The following MED31 variants were observed in gnomAD, a reference collection of about 807,000 sequenced individuals.
MED31 encodes the protein mediator of RNA polymerase II transcription subunit 31.
In MED31, 11 loss-of-function variants were observed where a neutral mutation model predicts 22.0. That is an observed-to-expected ratio of 0.50 (90% CI 0.31 to 0.83). MED31 has a LOEUF of 0.83. MED31 is among the 40% of genes least tolerant of loss of function. The pLI is 0.04. For synonymous variants in MED31, 60 were observed against 55.1 expected, an observed-to-expected ratio of 1.09 and a Z score of -0.40; for missense variants, 122 against 155.3, an observed-to-expected ratio of 0.79 and a Z score of 1.14.
In MED31 at chr17:6,651,579, A is replaced by G. The variant is rs1972837420; in HGVS notation, c.-51T>C. On this transcript the variant is annotated 5_prime_UTR_variant, in exon 1 of 4. Coordinates refer to ENST00000225728, the MANE Select transcript of MED31 (RefSeq NM_016060.3). ...CCAGCCTGACAGAGCAAAAGCCCAG[A>G]GACGCGGGCGAAGTTCCGGAAACCA... 4 of 1,612,032 alleles carry G rather than the reference A, an allele frequency of 2.5e-6. No homozygotes were observed. The highest frequency in any genetic ancestry group is 1.1e-5 in the South Asian group (1 of 90,864).
chr17:6,644,384 A>G lies in MED31; in HGVS notation c.*83T>C. On this transcript the variant is annotated 3_prime_UTR_variant, in exon 4 of 4. Transcript: ENST00000225728. ...GCTACCATAATAAAGGTAGATAGGAAGAGTTTTCATTTTTTTTGTCTTCAC... is the reference window on the plus strand; with the variant it reads ...GCTACCATAATAAAGGTAGATAGGAGGAGTTTTCATTTTTTTTGTCTTCAC... 2 of 1,439,898 alleles carry G rather than the reference A, an allele frequency of 1.4e-6. No individual in the cohort carries two copies. The highest frequency in any genetic ancestry group is 1.6e-5 in the South Asian group (1 of 62,858). The allele number at this position is 1,439,898 out of a possible 1,614,324, so 89.2% of individuals were successfully genotyped here.
intron 3 of MED31, among the ~76,000 whole-genome samples, chr17:6,648,028 G>A (rs1972785895): frequency 6.6e-6 from 1 of 152,186 alleles, no homozygotes; most frequent in South Asian, 2.1e-4. Context: ...AACAACATAG[G>A]GAGAACCCAA....
At position 6,648,763 on chromosome 17, in the gene MED31, C is replaced by T. The variant is rs547464186; in HGVS notation, c.203+1219G>A. Among the ~76,000 whole-genome samples, 34 of 152,244 alleles carry T rather than the reference C, an allele frequency of 2.2e-4. 1 individual carries two copies. In the South Asian group the frequency reaches 6.6e-3, roughly 30 times the overall value. ...GGCTACAAGGAGGTACATTATATCA[C>T]AATATAAGGAAGAACTTTCTAATAT... On this transcript the variant is annotated intron_variant, in intron 3 of 3. Coordinates refer to ENST00000225728, the MANE Select transcript of MED31 (RefSeq NM_016060.3).
chr17:6,648,951 T>A (rs983081985), intron 3 of MED31, among the ~76,000 whole-genome samples: 2 of 152,332 alleles, frequency 1.3e-5, no homozygotes, highest in African/African-American at 4.8e-5. Flanking sequence ...ACATACAATA[T>A]TCGTTGAAGT....
chr17:6,644,769 A>G, intron 3 of MED31, 110 bp from the exon 4 acceptor site: 1 of 1,262,988 alleles, frequency 7.9e-7, no homozygotes, highest in African/African-American at 1.5e-5. Flanking sequence ...TTTCTATAAC[A>G]GTAACTTAGT....
intron 3 of MED31, among the ~76,000 whole-genome samples, chr17:6,645,523 C>T (rs531722201): frequency 5.3e-4 from 81 of 152,200 alleles, no homozygotes; most frequent in Non-Finnish European, 8.7e-4. Context: ...TGGAACATTA[C>T]GTAGTGCCAG....
Position 6,651,554 on chromosome 17 carries a change from C to G in MED31, c.-26G>C. On this transcript the variant is annotated 5_prime_UTR_variant, in exon 1 of 4. Coordinates refer to ENST00000225728, the MANE Select transcript of MED31 (RefSeq NM_016060.3). ...AACAAACGAAGACACCAAAACGCCA[C>G]CAGCCTGACAGAGCAAAAGCCCAGA... 2 of 1,614,018 alleles carry G rather than the reference C, an allele frequency of 1.2e-6. No individual in the cohort carries two copies. The highest frequency in any genetic ancestry group is 1.1e-5 in the South Asian group (1 of 91,054).
chr17:6,644,663 G>T lies in MED31; in HGVS notation c.204-4C>A. 1 of 1,553,420 alleles carries T rather than the reference G, an allele frequency of 6.4e-7. No individual in the cohort carries two copies. Among genetic ancestry groups the T allele is most frequent in the South Asian group, 1.2e-5 (1 of 82,214 alleles). The stretch of plus-strand genomic sequence containing the variant: ...CATGTGTAAACACTGAGGGTACCTG[G>T]GTTTAAGTTTGTAAGTGAATGAACA... On this transcript the variant is annotated splice_region_variant and splice_polypyrimidine_tract_variant and intron_variant, in intron 3 of 3. Transcript: ENST00000225728.
In MED31 at chr17:6,648,286, G is replaced by A. The variant is rs373867540; in HGVS notation, c.203+1696C>T. Among the ~76,000 whole-genome samples the A allele has an allele frequency of 2.6e-5, 4 of 152,350 alleles. No individual in the cohort carries two copies. The South Asian group carries it at 6.2e-4, about 24-fold the overall frequency. ...TACAACTGCCAAATATCCAAAGGAG[G>A]GAACCTCAACTCATGAGAACTCTGG... On this transcript the variant is annotated intron_variant, in intron 3 of 3. Transcript: ENST00000225728.
intron 1 of MED31, among the ~76,000 whole-genome samples, chr17:6,650,756 C>T (rs920758044): frequency 6.6e-6 from 1 of 152,074 alleles, no homozygotes; most frequent in African/African-American, 2.4e-5. Context: ...CTGTGGCTTC[C>T]CCTATTTTAA....
rs1260145864 is a variant in MED31 at position 6,645,317 on chromosome 17, A to C, written c.204-658T>G. 5.9e-5 allele frequency among the ~76,000 whole-genome samples: 9 copies of C among 152,216 alleles called. No homozygotes were observed. The East Asian group carries it at 1.7e-3, about 29-fold the overall frequency. On this transcript the variant is annotated intron_variant, in intron 3 of 3. Coordinates refer to ENST00000225728, the MANE Select transcript of MED31 (RefSeq NM_016060.3). ...CTTTTAATATAGACATAGAATAAAC[A>C]TGTATATGTGTGTGCATGTATACAC...
At chr17:6,645,014 G>GTT (rs970662995) in intron 3 of MED31, among the ~76,000 whole-genome samples, 1 of 152,176 alleles carries the variant, frequency 6.6e-6, no homozygotes, top group Admixed American at 6.5e-5. Context: ...TTAATTGATA[G>GTT]TTACTCATTT....
chr17:6,649,777 G>C, intron 3 of MED31: 2 of 436,846 alleles, frequency 4.6e-6, no homozygotes, highest in Non-Finnish European at 7.7e-6. Flanking sequence ...TGGAGATGGG[G>C]GCAGGAAGGT....
chr17:6,645,436 CTG>C (rs1158819307), intron 3 of MED31, among the ~76,000 whole-genome samples: 7 of 152,080 alleles, frequency 4.6e-5, no homozygotes, highest in Admixed American at 6.5e-5. Context: ...AATGACCAGA[CTG>C]TGGTTTCCAA....
chr17:6,645,413 C>T (rs1972754152), intron 3 of MED31, among the ~76,000 whole-genome samples: 1 of 152,106 alleles, frequency 6.6e-6, no homozygotes, highest in Non-Finnish European at 1.5e-5. Flanking sequence ...CACTGTGGTA[C>T]TAATGAACAC....
chr17:6,646,971 G>A (rs1414668213), intron 3 of MED31, among the ~76,000 whole-genome samples: 2 of 152,242 alleles, frequency 1.3e-5, no homozygotes, highest in Non-Finnish European at 2.9e-5. Flanking sequence ...CTGGAGGCGA[G>A]ATATGCTGGC....
chr17:6,647,494 C>T (rs1972781254), intron 3 of MED31, among the ~76,000 whole-genome samples: 1 of 152,208 alleles, frequency 6.6e-6, no homozygotes, highest in Admixed American at 6.5e-5. Flanking sequence ...AGATTGAATC[C>T]TTAGGCCTGG....
rs1049653314 is a variant in MED31 at position 6,644,215 on chromosome 17, C to T, written c.*252G>A. Reference sequence around the variant, plus strand: ...GTCTAAAGCACCTAACTTTTCCATTCTTAATCAGCTGATTATGCTAAATGC... The same window carrying T: ...GTCTAAAGCACCTAACTTTTCCATTTTTAATCAGCTGATTATGCTAAATGC... On this transcript the variant is annotated 3_prime_UTR_variant, in exon 4 of 4. Coordinates refer to ENST00000225728, the MANE Select transcript of MED31 (RefSeq NM_016060.3). The T allele has an allele frequency of 6.0e-6, 3 of 496,464 alleles. No individual in the cohort carries two copies. Among genetic ancestry groups the T allele is most frequent in the Non-Finnish European group, 1.0e-5 (3 of 293,312 alleles). 30.8% of individuals were successfully genotyped at this position (496,464 alleles called of 1,614,324 possible).
At position 6,644,356 on chromosome 17, in the gene MED31, G is replaced by C. The variant is rs1469495771; in HGVS notation, c.*111C>G. 1 of 1,284,346 alleles carries C rather than the reference G, an allele frequency of 7.8e-7. No individual in the cohort carries two copies. Among genetic ancestry groups the C allele is most frequent in the Non-Finnish European group, 1.0e-6 (1 of 959,730 alleles). 79.6% of individuals were successfully genotyped at this position (1,284,346 alleles called of 1,614,324 possible). A position where few individuals can be genotyped will look rare whatever the true frequency, so the allele number is the denominator to read the frequency against. On this transcript the variant is annotated 3_prime_UTR_variant, in exon 4 of 4. Transcript: ENST00000225728. ...ATGAAAAAGCACACTAAAGGTTCTAGGGGCTACCATAATAAAGGTAGATAG... is the reference window on the plus strand; with the variant it reads ...ATGAAAAAGCACACTAAAGGTTCTACGGGCTACCATAATAAAGGTAGATAG...
Sources: gnomAD v4.1 joint callset for allele counts (sites outside exome capture counted in the v4.1 genomes callset) on GRCh38, gnomAD v4.1.1 for gene constraint, MANE v1.5 for transcripts, NCBI Gene and HGNC (gene_info 2026-07-23, HGNC 2026-07-21) for gene names.